OSBPL3: variants seen among roughly 807,000 people sequenced by gnomAD.
OSBPL3 encodes the protein oxysterol binding protein like 3.
OSBPL3 carries 65 observed loss-of-function variants against 120.1 expected under a neutral mutation model. That is an observed-to-expected ratio of 0.54 (90% CI 0.44 to 0.67). The LOEUF (loss-of-function observed/expected upper bound fraction) is 0.67. Ranked by LOEUF, OSBPL3 falls within the 30% of genes least tolerant of loss-of-function variation. OSBPL3 has a pLI of 0.00. For missense variants in OSBPL3, 1,004 were observed against 1,082.1 expected (o/e 0.93, Z 1.01); for synonymous variants, 416 against 402.6 (o/e 1.03, Z -0.40).
At chr7:24,807,081 C>CTA (rs1429317613) in intron 20 of OSBPL3, among the ~76,000 whole-genome samples, 179 bp from the exon 21 acceptor site, 1 of 152,214 alleles carries the variant, frequency 6.6e-6, no homozygotes, top group Non-Finnish European at 1.5e-5. Context: ...ATTTTCTTCT[C>CTA]TATAATTTTT....
At chr7:24,886,592 T>C (rs568668904) in intron 2 of OSBPL3, among the ~76,000 whole-genome samples, 2 of 152,344 alleles carry the variant, frequency 1.3e-5, no homozygotes, top group Non-Finnish European at 2.9e-5. Context: ...ATAAATTCAG[T>C]CCGACGATTT....
chr7:24,829,684 T>C (rs1414547460), intron 16 of OSBPL3, among the ~76,000 whole-genome samples: 63 of 152,348 alleles, frequency 4.1e-4, no homozygotes, highest in South Asian at 2.1e-4. Flanking sequence ...ACGTGTTTGA[T>C]TGCTACCTTA....
chr7:24,837,228 T>C (rs1797116318), intron 14 of OSBPL3, among the ~76,000 whole-genome samples: 1 of 152,176 alleles, frequency 6.6e-6, no homozygotes, highest in Non-Finnish European at 1.5e-5. Context: ...AGATAGGGTC[T>C]TTCTCAACAG....
intron 10 of OSBPL3, among the ~76,000 whole-genome samples, chr7:24,857,124 A>AAAATTGAG (rs1799933034): frequency 6.6e-6 from 1 of 152,228 alleles, no homozygotes; most frequent in Admixed American, 6.5e-5. Context: ...TAAGCTGAAA[A>AAAATTGAG]TGGTTCAGAA....
rs1795501972 is a variant in OSBPL3 at position 24,824,769 on chromosome 7, A to G, written c.1885-4531T>C. On this transcript the variant is annotated intron_variant, in intron 16 of 22. Coordinates refer to ENST00000313367, the MANE Select transcript of OSBPL3 (RefSeq NM_015550.4). The surrounding 1 kb of genome is among the most constrained non-coding windows in gnomAD (Gnocchi z 4.9). ...GTAGAAATTGTGTTAAGGAAAATAA[A>G]GCAGGGCATGAGGATGTGGGGACAG... Among the ~76,000 whole-genome samples, 1 of 152,234 alleles carries G rather than the reference A, an allele frequency of 6.6e-6. No individual in the cohort carries two copies. Among genetic ancestry groups the G allele is most frequent in the Admixed American group, 6.5e-5 (1 of 15,278 alleles).
At chr7:24,847,791 G>C (rs1584357625) in intron 12 of OSBPL3, among the ~76,000 whole-genome samples, 2 of 152,210 alleles carry the variant, frequency 1.3e-5, no homozygotes, top group African/African-American at 4.8e-5. Context: ...TCCTGGCCAT[G>C]ACTGGGTCCT....
intron 10 of OSBPL3, among the ~76,000 whole-genome samples, chr7:24,859,739 G>A (rs1204569864): frequency 5.9e-5 from 9 of 152,084 alleles, no homozygotes; most frequent in Admixed American, 1.3e-4. Flanking sequence ...TACCTACTTC[G>A]CAGGCTGCAG....
At chr7:24,840,034 A>AT (rs1056391543) in intron 14 of OSBPL3, among the ~76,000 whole-genome samples, 2 of 144,682 alleles carry the variant, frequency 1.4e-5, no homozygotes, top group Non-Finnish European at 3.0e-5. Context: ...TATGTGTTAC[A>AT]TTTTTTATAT....
rs6461822 is a variant in OSBPL3, at chr7:24,852,328, C to T, written c.1158+176G>A. On this transcript the variant is annotated intron_variant, in intron 11 of 22. Coordinates refer to ENST00000313367, the MANE Select transcript of OSBPL3 (RefSeq NM_015550.4). This position sits in a 1 kb window ranked among gnomAD's most constrained non-coding sequence, Gnocchi z 4.1. ...CTTAATAAAATACTAGCTATTAAGACTTGGATAGGTAAGTTTTGGTGTTTC... is the reference window on the plus strand; with the variant it reads ...CTTAATAAAATACTAGCTATTAAGATTTGGATAGGTAAGTTTTGGTGTTTC... 0.75 allele frequency among the ~76,000 whole-genome samples: 113,800 copies of T among 152,190 alleles called. 43,896 individuals are homozygous for T. The highest frequency in any genetic ancestry group is 0.99 in the East Asian group (5,140 of 5,190).
At chr7:24,842,750 G>A (rs1797942822) in intron 12 of OSBPL3, among the ~76,000 whole-genome samples, 1 of 152,174 alleles carries the variant, frequency 6.6e-6, no homozygotes, top group African/African-American at 2.4e-5. Context: ...ACCACTGCTG[G>A]ATGTTTCTTT....
chr7:24,892,442 A>G lies in OSBPL3; in HGVS notation c.31T>C (p.Ser11Pro). MMSDEKNLGV[S>P]QKLVSPSRST... The stretch of plus-strand genomic sequence containing the variant: ...CTTGAAGGTGATACCAATTTTTGGG[A>G]CACACCAAGGTTCTTCTCATCACTC... The change falls in exon 2 of 23, where the codon TCC (serine) becomes CCC (proline). Residue 11 changes from serine (S) to proline (P), a missense_variant. Around this residue, in one of 4 missense-constraint regions of OSBPL3, gnomAD observed 255 missense variants for 248.7 expected, o/e 1.03. Coordinates refer to ENST00000313367, the MANE Select transcript of OSBPL3 (RefSeq NM_015550.4). 2 of 1,613,850 alleles carry G rather than the reference A, an allele frequency of 1.2e-6. No homozygotes were observed. Among genetic ancestry groups the G allele is most frequent in the Non-Finnish European group, 1.7e-6 (2 of 1,179,786 alleles).
intron 10 of OSBPL3, among the ~76,000 whole-genome samples, chr7:24,858,642 CT>C (rs1800127075): frequency 6.6e-6 from 1 of 152,234 alleles, no homozygotes; most frequent in Non-Finnish European, 1.5e-5. Context: ...TGCATTGGAC[CT>C]TTCTCCAGGA....
Position 24,968,030 on chromosome 7 carries a change from A to G in OSBPL3, c.-150+11856T>C, listed in dbSNP as rs754471423. Among the ~76,000 whole-genome samples the G allele has an allele frequency of 6.6e-6, 1 of 152,206 alleles. No homozygotes were observed. Among genetic ancestry groups the G allele is most frequent in the East Asian group, 1.9e-4 (1 of 5,194 alleles). On this transcript the variant is annotated intron_variant, in intron 1 of 22. Coordinates refer to ENST00000313367, the MANE Select transcript of OSBPL3 (RefSeq NM_015550.4). The surrounding 1 kb of genome is among the most constrained non-coding windows in gnomAD (Gnocchi z 4.6). The stretch of plus-strand genomic sequence containing the variant: ...GCAGTTACTTTTTGGTTTGCTTTAT[A>G]TATTTACTTGGAGTAATACATTTAC...
intron 16 of OSBPL3, among the ~76,000 whole-genome samples, chr7:24,828,035 TTTTTTTTGAAA>T (rs1435825946): frequency 6.6e-6 from 1 of 151,912 alleles, no homozygotes; most frequent in Non-Finnish European, 1.5e-5. Context: ...TCTTTTCCCT[TTTTTTTTGAAA>T]TGGAGTCTTG....
At position 24,968,789 on chromosome 7, in the gene OSBPL3, G is replaced by T. The variant is rs1267383345; in HGVS notation, c.-150+11097C>A. Among the ~76,000 whole-genome samples, 1 of 152,116 alleles carries T rather than the reference G, an allele frequency of 6.6e-6. No homozygotes were observed. The highest frequency in any genetic ancestry group is 2.4e-5 in the African/African-American group (1 of 41,418). On this transcript the variant is annotated intron_variant, in intron 1 of 22. Coordinates refer to ENST00000313367, the MANE Select transcript of OSBPL3 (RefSeq NM_015550.4). The surrounding 1 kb of genome is among the most constrained non-coding windows in gnomAD (Gnocchi z 4.6). ...TCATATAAAATATATATTATATATG[G>T]ATATTCTATACTTCACTTTTTTCTT...
intron 2 of OSBPL3, among the ~76,000 whole-genome samples, chr7:24,874,906 C>A (rs1324176677): frequency 6.6e-6 from 1 of 152,188 alleles, no homozygotes; most frequent in Non-Finnish European, 1.5e-5. Flanking sequence ...AGGCCAACAT[C>A]CAGCCTAGTG....
In OSBPL3 at chr7:24,830,870, T is replaced by A; in HGVS notation, c.1782A>T (p.Ala594=). 6.2e-7 allele frequency: 1 copy of A among 1,613,350 alleles called. No individual in the cohort carries two copies. Among genetic ancestry groups the A allele is most frequent in the Non-Finnish European group, 8.5e-7 (1 of 1,179,716 alleles). The change falls in exon 16 of 23, where the codon GCA becomes GCT. Residue 594 remains alanine, a synonymous_variant. Transcript: ENST00000313367. This position sits in a 1 kb window ranked among gnomAD's most constrained non-coding sequence, Gnocchi z 4.4. ...TGCTTCCAGCTCGGTAGTAGCTAGA[T>A]GCATACGCTGATATGGCAAAGGCTG... The part of the protein sequence containing the change: ...YVAAFAISAY[A]SSYYRAGSKP...
chr7:24,830,632 C>T lies in OSBPL3; in HGVS notation c.1884+136G>A. 2 of 896,184 alleles carry T rather than the reference C, an allele frequency of 2.2e-6. No homozygotes were observed. Among genetic ancestry groups the T allele is most frequent in the Non-Finnish European group, 3.3e-6 (2 of 597,312 alleles). The allele number at this position is 896,184 out of a possible 1,614,324, so 55.5% of individuals were successfully genotyped here. A position where few individuals can be genotyped will look rare whatever the true frequency, so the allele number is the denominator to read the frequency against. ...CAGTGGAAGGGAAATCGATCCCTCCCTTTATGTTGAAAAGCACTGTAATTA... is the reference window on the plus strand; with the variant it reads ...CAGTGGAAGGGAAATCGATCCCTCCTTTTATGTTGAAAAGCACTGTAATTA... On this transcript the variant is annotated intron_variant, in intron 16 of 22. Coordinates refer to ENST00000313367, the MANE Select transcript of OSBPL3 (RefSeq NM_015550.4). This position sits in a 1 kb window ranked among gnomAD's most constrained non-coding sequence, Gnocchi z 4.4.
rs1244192202 is a variant in OSBPL3, at chr7:24,952,011, T to TG, written c.-150+27874dup. Among the ~76,000 whole-genome samples, 20 of 152,172 alleles carry TG rather than the reference T, an allele frequency of 1.3e-4. No homozygotes were observed. Among genetic ancestry groups the TG allele is most frequent in the African/African-American group, 4.6e-4 (19 of 41,434 alleles). ...TAGTACTGTTGACAGCAACACTTCT[T>TG]GGGGATATTATTAACTGGATTATAA... is the stretch of plus-strand genomic sequence containing the variant. On this transcript the variant is annotated intron_variant, in intron 1 of 22. Transcript: ENST00000313367. This position sits in a 1 kb window ranked among gnomAD's most constrained non-coding sequence, Gnocchi z 4.4.
Sources: allele counts gnomAD v4.1 joint callset (sites outside exome capture counted in the v4.1 genomes callset), GRCh38; gene constraint gnomAD v4.1.1; regional missense constraint gnomAD v4.1.1; non-coding constraint Gnocchi (gnomAD v3.1); transcripts MANE v1.5; gene names NCBI Gene and HGNC (gene_info 2026-07-23, HGNC 2026-07-21).